Variants in KDM4C observed in about 807,000 individuals in gnomAD.
The protein encoded by KDM4C is lysine-specific demethylase 4C.
Under a neutral mutation model 129.3 loss-of-function variants are expected in KDM4C, and 81 were observed. The observed-to-expected ratio is 0.63, with a 90% confidence interval of 0.52 to 0.75. The LOEUF is 0.75. KDM4C is among the 30% of genes least tolerant of loss of function. KDM4C has a pLI of 0.00. For missense variants in KDM4C, 1,457 were observed against 1,304.0 expected, an observed-to-expected ratio of 1.12 and a Z score of -1.81; for synonymous variants, 573 against 456.1, an observed-to-expected ratio of 1.26 and a Z score of -3.26.
chr9:6,881,344 A>T (rs1844420398), intron 6 of KDM4C, among the ~76,000 whole-genome samples: 2 of 152,316 alleles, frequency 1.3e-5, no homozygotes, highest in African/African-American at 4.8e-5. Context: ...AATAATAGCG[A>T]TTGATGTAAT....
chr9:6,941,867 G>A (rs3818897), intron 8 of KDM4C: 39,443 of 152,080 alleles, frequency 0.26, 5,560 homozygotes, highest in South Asian at 0.42. Flanking sequence ...TCTCTCTCTT[G>A]TGTGTGTGTA....
intron 17 of KDM4C, among the ~76,000 whole-genome samples, chr9:7,082,420 C>A (rs1834635069): frequency 6.6e-6 from 1 of 152,152 alleles, no homozygotes. Flanking sequence ...TGAAGGCACC[C>A]CGTTAAGAAT....
intron 19 of KDM4C, among the ~76,000 whole-genome samples, chr9:7,151,019 CA>C (rs1424565319): frequency 6.6e-6 from 1 of 152,116 alleles, no homozygotes; most frequent in East Asian, 1.9e-4. Flanking sequence ...TACGTACTAA[CA>C]AAGCAGCGGA....
intron 17 of KDM4C, among the ~76,000 whole-genome samples, chr9:7,101,821 T>C (rs1171874167): frequency 8.3e-6 from 1 of 119,932 alleles, no homozygotes; most frequent in Non-Finnish European, 1.9e-5. Context: ...CATATACCTG[T>C]CAATATCTTA....
rs370020790 is a variant in KDM4C, at chr9:6,805,792, G to A, written c.320+18G>A. 9.4e-6 allele frequency: 15 copies of A among 1,598,250 alleles called. No individual in the cohort carries two copies. Among genetic ancestry groups the A allele is most frequent in the African/African-American group, 5.4e-5 (4 of 74,408 alleles). On this transcript the variant is annotated intron_variant, in intron 3 of 21. Transcript: ENST00000381309. ...AGTGGCAAGTGAGTAGAATCAGTTTGCTATTTCTGTTTCCTTCAAAGATTT... is the reference window on the plus strand; with the variant it reads ...AGTGGCAAGTGAGTAGAATCAGTTTACTATTTCTGTTTCCTTCAAAGATTT...
rs147900638 is a variant in KDM4C at position 6,937,796 on chromosome 9, C to G, written c.922-43129C>G. ...GCATGATCTTGGCTCATTGCAACCT[C>G]TGCCTCCCGGGTTCAAGCAATTTTC... On this transcript the variant is annotated intron_variant, in intron 8 of 21. Transcript: ENST00000381309. Among the ~76,000 whole-genome samples the G allele has an allele frequency of 3.0e-4, 45 of 152,286 alleles. No homozygotes were observed. In the East Asian group the frequency reaches 8.5e-3, roughly 29 times the overall value.
At chr9:6,730,284 G>C (rs755780638) in intron 1 of KDM4C, among the ~76,000 whole-genome samples, 3 of 152,082 alleles carry the variant, frequency 2.0e-5, no homozygotes, top group Non-Finnish European at 4.4e-5. Context: ...GTATGGGCTT[G>C]TTAATAGAAA....
chr9:6,987,866 T>C (rs774068624), intron 11 of KDM4C, among the ~76,000 whole-genome samples: 9 of 151,974 alleles, frequency 5.9e-5, no homozygotes, highest in Non-Finnish European at 1.0e-4. Context: ...AAGCAAAATT[T>C]ACAACTTTGG....
chr9:6,947,411 C>A (rs1195238375), intron 8 of KDM4C, among the ~76,000 whole-genome samples: 1 of 151,912 alleles, frequency 6.6e-6, no homozygotes. Flanking sequence ...TTAATGCTTT[C>A]TTAATGCCTA....
rs111492833 is a variant in KDM4C, at chr9:7,171,405, G to A, written c.2994+1515G>A. ...TTTCTTGAGAAAAACTTTCCTTTTC[G>A]AGATGTTAGAGATAGCTTCGTCTCG... On this transcript the variant is annotated intron_variant, in intron 21 of 21. Transcript: ENST00000381309. Among the ~76,000 whole-genome samples the A allele has an allele frequency of 9.8e-4, 149 of 152,214 alleles. 2 individuals are homozygous for A. The highest frequency in any genetic ancestry group is 3.4e-3 in the African/African-American group (141 of 41,518).
At chr9:7,038,092 G>A (rs1253498211) in intron 15 of KDM4C, among the ~76,000 whole-genome samples, 1 of 152,046 alleles carries the variant, frequency 6.6e-6, no homozygotes, top group Non-Finnish European at 1.5e-5. Flanking sequence ...GTCTGGAAGA[G>A]ATCATAGGTG....
intron 12 of KDM4C, among the ~76,000 whole-genome samples, chr9:7,001,079 C>T (rs1404442915): frequency 6.6e-6 from 1 of 152,146 alleles, no homozygotes; most frequent in Non-Finnish European, 1.5e-5. Flanking sequence ...CTCTCTTTAT[C>T]AGCATTTTAA....
At chr9:6,990,119 C>G (rs1818459243) in intron 11 of KDM4C, among the ~76,000 whole-genome samples, 2 of 152,128 alleles carry the variant, frequency 1.3e-5, no homozygotes, top group South Asian at 4.2e-4. Flanking sequence ...CTTTAGAAAA[C>G]TTGTTAACTG....
At chr9:7,102,064 T>A in intron 17 of KDM4C, among the ~76,000 whole-genome samples, 1 of 152,176 alleles carries the variant, frequency 6.6e-6, no homozygotes, top group East Asian at 1.9e-4. Flanking sequence ...TTAGGCAGAT[T>A]ATGATGTCTT....
intron 4 of KDM4C, chr9:6,835,575 T>C: frequency 9.9e-7 from 1 of 1,009,752 alleles, no homozygotes; most frequent in South Asian, 1.3e-5. Context: ...CAAATGCTTC[T>C]AGGCGGACTG....
At chr9:6,931,130 C>A (rs963472887) in intron 8 of KDM4C, among the ~76,000 whole-genome samples, 2 of 151,562 alleles carry the variant, frequency 1.3e-5, no homozygotes, top group Admixed American at 6.6e-5. Flanking sequence ...TCACCCCCCC[C>A]ACACAAACAC....
chr9:6,841,484 T>C (rs1199650508), intron 4 of KDM4C, among the ~76,000 whole-genome samples: 1 of 152,226 alleles, frequency 6.6e-6, no homozygotes, highest in Non-Finnish European at 1.5e-5. Flanking sequence ...TCTTCTATTA[T>C]ATGGAAAGTA....
At chr9:6,869,651 A>T (rs1043050219) in intron 5 of KDM4C, among the ~76,000 whole-genome samples, 2 of 152,230 alleles carry the variant, frequency 1.3e-5, no homozygotes, top group Non-Finnish European at 1.5e-5. Flanking sequence ...TTCAGGCAAG[A>T]TGGCCAAGCC....
rs181569046 is a variant in KDM4C at position 6,802,078 on chromosome 9, C to T, written c.145-3521C>T. Among the ~76,000 whole-genome samples, 434 of 149,602 alleles carry T rather than the reference C, an allele frequency of 2.9e-3. 4 individuals carry two copies. Among genetic ancestry groups the T allele is most frequent in the African/African-American group, 0.01 (414 of 40,530 alleles). On this transcript the variant is annotated intron_variant, in intron 2 of 21. Coordinates refer to ENST00000381309, the MANE Select transcript of KDM4C (RefSeq NM_015061.6). ...TGACATCGCGCCATTGCACTCCAGCCTGGGGAACAAAAGAGAAACTTTGTC... is the reference window on the plus strand; with the variant it reads ...TGACATCGCGCCATTGCACTCCAGCTTGGGGAACAAAAGAGAAACTTTGTC...
Sources: allele counts gnomAD v4.1 joint callset (sites outside exome capture counted in the v4.1 genomes callset), GRCh38; gene constraint gnomAD v4.1.1; transcripts MANE v1.5; gene names NCBI Gene and HGNC (gene_info 2026-07-23, HGNC 2026-07-21).